The following CALCR variants were observed in gnomAD, a reference collection of about 807,000 sequenced individuals.
CALCR encodes calcitonin receptor.
A neutral mutation model predicts 59.5 loss-of-function variants in CALCR; 47 were observed. That is an observed-to-expected ratio of 0.79 (90% CI 0.63 to 1.01). The LOEUF (loss-of-function observed/expected upper bound fraction) is 1.01. CALCR is among the 50% of genes least tolerant of loss of function. The pLI is 0.00. For missense variants in CALCR, 566 were observed against 597.1 expected, an observed-to-expected ratio of 0.95 and a Z score of 0.54; for synonymous variants, 213 against 211.3, an observed-to-expected ratio of 1.01 and a Z score of -0.07.
At chr7:93,542,317 G>A (rs1432219148) in intron 2 of CALCR, among the ~76,000 whole-genome samples, 1 of 152,144 alleles carries the variant, frequency 6.6e-6, no homozygotes, top group East Asian at 1.9e-4. Context: ...ACTGTAACAT[G>A]ATGGCAAGTG....
chr7:93,483,178 A>G (rs977273635), intron 3 of CALCR, among the ~76,000 whole-genome samples: 1 of 151,736 alleles, frequency 6.6e-6, no homozygotes, highest in South Asian at 2.1e-4. Context: ...ATGGTGTAGT[A>G]TTTGCATATA....
chr7:93,560,624 T>A (rs1296051600), intron 2 of CALCR, among the ~76,000 whole-genome samples: 1 of 152,120 alleles, frequency 6.6e-6, no homozygotes, highest in Non-Finnish European at 1.5e-5. Flanking sequence ...CATTTTAAAT[T>A]TTATTTGATT....
chr7:93,540,582 C>T (rs1327193544), intron 2 of CALCR, among the ~76,000 whole-genome samples: 1 of 151,822 alleles, frequency 6.6e-6, no homozygotes, highest in Admixed American at 6.6e-5. Context: ...CTAATAAACT[C>T]TATCTTTTCT....
chr7:93,434,262 G>T lies in CALCR; in HGVS notation c.1182C>A (p.Cys394Ter). 1 of 1,609,926 alleles carries T rather than the reference G, an allele frequency of 6.2e-7. No homozygotes were observed. The change falls in exon 13 of 14, where the codon TGC (cysteine) becomes TGA (stop). Residue 394 changes from cysteine (C) to a stop codon, truncating the protein, a stop_gained. Transcript: ENST00000426151. LOFTEE classifies it high-confidence loss of function. ...GFFVATIYCF[C>*]NNEVQTTVKR... is the part of the protein sequence containing the mutation. ...TGAAATGCATGCTTACCTCATTGTT[G>T]CAGAAGCAGTAGATGGTCGCAACAA...
At chr7:93,544,621 G>C (rs918838911) in intron 2 of CALCR, among the ~76,000 whole-genome samples, 3 of 151,808 alleles carry the variant, frequency 2.0e-5, no homozygotes, top group Non-Finnish European at 4.4e-5. Context: ...TCACTGTGTG[G>C]TATTTTGCTT....
In CALCR at chr7:93,524,314, C is replaced by T. The variant is rs374275481; in HGVS notation, c.-26-37307G>A. On this transcript the variant is annotated intron_variant, in intron 2 of 13. Coordinates refer to ENST00000426151, the MANE Select transcript of CALCR (RefSeq NM_001742.4). ...CCTCCCGAGTAGCTGGGACTACAGG[C>T]GCCTGCCACCACGCCCGGCTAATTT... is the stretch of plus-strand genomic sequence containing the variant. Among the ~76,000 whole-genome samples, 140 of 151,748 alleles carry T rather than the reference C, an allele frequency of 9.2e-4. 1 individual carries two copies. The South Asian group carries it at 0.027, about 29-fold the overall frequency.
chr7:93,434,429 A>G (rs1175869276), intron 12 of CALCR, 135 bp from the exon 13 acceptor site: 7 of 636,872 alleles, frequency 1.1e-5, no homozygotes, highest in Non-Finnish European at 1.1e-5. Flanking sequence ...TCTACCATTC[A>G]TAGTCAGTGC....
At chr7:93,472,261 C>A (rs753266683) in intron 6 of CALCR, 114 bp downstream of exon 6, 8 of 639,754 alleles carry the variant, frequency 1.3e-5, no homozygotes, top group Non-Finnish European at 2.0e-5. Flanking sequence ...CATATGATTT[C>A]TTTCCACAAA....
chr7:93,490,211 C>G (rs1801043608), intron 2 of CALCR, among the ~76,000 whole-genome samples: 2 of 151,902 alleles, frequency 1.3e-5, no homozygotes, highest in African/African-American at 4.8e-5. Flanking sequence ...GGCAACATCC[C>G]TTTATGTTAA....
At chr7:93,472,540 G>A in intron 5 of CALCR, 53 bp from the exon 6 acceptor site, 6 of 1,040,068 alleles carry the variant, frequency 5.8e-6, no homozygotes, top group Non-Finnish European at 9.0e-6. Flanking sequence ...TCCCAACAAG[G>A]AAAAATAATA....
rs941569988 is a variant in CALCR at position 93,425,044 on chromosome 7, A to T, written c.*1312T>A. The T allele has an allele frequency of 1.5e-4, 23 of 152,630 alleles. No individual in the cohort carries two copies. Among genetic ancestry groups the T allele is most frequent in the African/African-American group, 4.6e-4 (19 of 41,460 alleles). The allele number at this position is 152,630 out of a possible 1,614,324, so 9.5% of individuals were successfully genotyped here. A position where few individuals can be genotyped will look rare whatever the true frequency, so the allele number is the denominator to read the frequency against. ...ACCTCCTCATTTAGCATACAAATTAAATAATGGTAACTCTGATTACTGTTG... is the reference window on the plus strand; with the variant it reads ...ACCTCCTCATTTAGCATACAAATTATATAATGGTAACTCTGATTACTGTTG... On this transcript the variant is annotated 3_prime_UTR_variant, in exon 14 of 14. Coordinates refer to ENST00000426151, the MANE Select transcript of CALCR (RefSeq NM_001742.4).
At chr7:93,437,460 A>G (rs1363420259) in intron 11 of CALCR, among the ~76,000 whole-genome samples, 1 of 152,168 alleles carries the variant, frequency 6.6e-6, no homozygotes, top group Non-Finnish European at 1.5e-5. Flanking sequence ...TTTCCCTTAA[A>G]AAAATCAGGG....
intron 2 of CALCR, among the ~76,000 whole-genome samples, chr7:93,563,518 T>G (rs1243262610): frequency 6.6e-6 from 1 of 152,202 alleles, no homozygotes; most frequent in Non-Finnish European, 1.5e-5. Flanking sequence ...ATGAATGAGA[T>G]GTCAACCTGG....
chr7:93,529,418 A>G (rs1264628049), intron 2 of CALCR, among the ~76,000 whole-genome samples: 9 of 152,168 alleles, frequency 5.9e-5, no homozygotes, highest in Admixed American at 4.6e-4. Context: ...CTGCAGAACC[A>G]TGAGTTAATT....
intron 2 of CALCR, among the ~76,000 whole-genome samples, chr7:93,548,841 TGTG>T (rs1563016651): frequency 6.4e-4 from 47 of 73,516 alleles, no homozygotes; most frequent in Middle Eastern, 5.9e-3. Flanking sequence ...CCAGAAGAAG[TGTG>T]TGTGTGTGTG....
intron 2 of CALCR, among the ~76,000 whole-genome samples, chr7:93,561,789 T>C (rs954051091): frequency 1.2e-4 from 18 of 152,146 alleles, no homozygotes; most frequent in Non-Finnish European, 1.9e-4. Flanking sequence ...AACACTGTTT[T>C]AGATTAAAAG....
At chr7:93,534,842 A>G (rs1196790220) in intron 2 of CALCR, among the ~76,000 whole-genome samples, 1 of 151,782 alleles carries the variant, frequency 6.6e-6, no homozygotes, top group Non-Finnish European at 1.5e-5. Context: ...TTAGAAATAT[A>G]TAGATAATCC....
chr7:93,461,048 A>G, intron 7 of CALCR, 101 bp from the exon 8 acceptor site: 1 of 1,002,550 alleles, frequency 1.0e-6, no homozygotes, highest in South Asian at 1.6e-5. Flanking sequence ...TTTAAAAAAA[A>G]GATGAAAGAA....
At chr7:93,527,009 C>T (rs6951871) in intron 2 of CALCR, among the ~76,000 whole-genome samples, 23,522 of 151,800 alleles carry the variant, frequency 0.15, 3,322 homozygotes, top group East Asian at 0.36. Flanking sequence ...TGGGAAAAGT[C>T]TATTTTTTTC....
Sources: gnomAD v4.1 joint callset for allele counts (sites outside exome capture counted in the v4.1 genomes callset) on GRCh38, gnomAD v4.1.1 for gene constraint, MANE v1.5 for transcripts, NCBI Gene and HGNC (gene_info 2026-07-23, HGNC 2026-07-21) for gene names.